Variants in PPP2R5C observed in about 807,000 individuals in gnomAD.
The protein encoded by PPP2R5C is serine/threonine-protein phosphatase 2A 56 kDa regulatory subunit gamma isoform.
PPP2R5C carries 7 observed loss-of-function variants against 68.9 expected under a neutral mutation model. The ratio of observed to expected loss-of-function variants is 0.10; its 90% CI spans 0.06 to 0.19. The LOEUF is 0.19. Among genes scored for constraint, PPP2R5C ranks in the 10% least tolerant of loss-of-function variants. The probability of loss-of-function intolerance (pLI) is 1.00; values close to 1 mark genes in which losing one functional copy is unlikely to be tolerated. For synonymous variants in PPP2R5C, 210 were observed against 222.2 expected, an observed-to-expected ratio of 0.95 and a Z score of 0.49; for missense variants, 348 against 641.3, an observed-to-expected ratio of 0.54 and a Z score of 4.94.
At position 101,797,083 on chromosome 14, in the gene PPP2R5C, G is replaced by A; in HGVS notation, c.259+10900G>A. 1 of 449,564 alleles carries A rather than the reference G, an allele frequency of 2.2e-6. No homozygotes were observed. The highest frequency in any genetic ancestry group is 4.5e-6 in the Non-Finnish European group (1 of 222,316). 27.8% of individuals were successfully genotyped at this position (449,564 alleles called of 1,614,324 possible). ...CAACAAAAACTCCATTAAACAGTAA[G>A]TGGCTGTCTCCCCATTCTGCTTTCT... On this transcript the variant is annotated intron_variant, in intron 3 of 14. Transcript: ENST00000328724. The surrounding 1 kb of genome is among the most constrained non-coding windows in gnomAD (Gnocchi z 4.2).
At chr14:101,782,127 C>T (rs1595143791) in intron 2 of PPP2R5C, among the ~76,000 whole-genome samples, 1 of 67,068 alleles carries the variant, frequency 1.5e-5, no homozygotes, top group South Asian at 8.8e-4. Context: ...CCCCTTCTTC[C>T]CCTCCCCCTC....
chr14:101,916,707 T>G lies in PPP2R5C; in HGVS notation c.1327-1124T>G, dbSNP rs1425521869. On this transcript the variant is annotated intron_variant, in intron 12 of 13. Coordinates refer to ENST00000334743, the Ensembl canonical transcript of PPP2R5C. The surrounding 1 kb of genome is among the most constrained non-coding windows in gnomAD (Gnocchi z 5.5). Reference sequence around the variant, plus strand: ...GCTGGCAGGGTGTGAGGGGCAGGGGTGAGGGGGCAGGGGGTGAGAGGCAGG... The same window carrying G: ...GCTGGCAGGGTGTGAGGGGCAGGGGGGAGGGGGCAGGGGGTGAGAGGCAGG... Among the ~76,000 whole-genome samples, 42 of 26,154 alleles carry G rather than the reference T, an allele frequency of 1.6e-3. No individual in the cohort carries two copies. The highest frequency in any genetic ancestry group is 5.0e-3 in the South Asian group (3 of 602). The allele number at this position is 26,154 out of a possible 152,430, so 17.2% of individuals were successfully genotyped here.
chr14:101,762,269 C>T (rs984025057), intron 1 of PPP2R5C, among the ~76,000 whole-genome samples: 5 of 151,992 alleles, frequency 3.3e-5, no homozygotes, highest in Non-Finnish European at 5.9e-5. Flanking sequence ...CGGGCAGGTG[C>T]GGCCGCCGAG....
rs775498271 is a variant in PPP2R5C at position 101,877,236 on chromosome 14, A to G, written c.295-4925A>G. 3.3e-5 allele frequency among the ~76,000 whole-genome samples: 5 copies of G among 152,086 alleles called. No homozygotes were observed. The highest frequency in any genetic ancestry group is 4.8e-5 in the African/African-American group (2 of 41,412). The stretch of plus-strand genomic sequence containing the variant: ...AGTGCTGGGATTACAGGCATGAGTC[A>G]CCGCGCCTGGCCTTTACCCTTTCCA... On this transcript the variant is annotated intron_variant, in intron 2 of 13. Transcript: ENST00000334743. The surrounding 1 kb of genome is among the most constrained non-coding windows in gnomAD (Gnocchi z 4.2).
intron 10 of PPP2R5C, among the ~76,000 whole-genome samples, chr14:101,908,914 A>AT (rs1209497409): frequency 2.6e-5 from 4 of 152,126 alleles, no homozygotes; most frequent in African/African-American, 4.8e-5. Context: ...TTTGGGATTT[A>AT]TTTGTTTTTA....
intron 8 of PPP2R5C, among the ~76,000 whole-genome samples, chr14:101,900,648 C>T (rs998926590): frequency 6.6e-6 from 1 of 152,268 alleles, no homozygotes; most frequent in Non-Finnish European, 1.5e-5. Context: ...CATGGATTCA[C>T]ATTCAGTATT....
chr14:101,761,804 G>GC (rs2036553476), upstream of PPP2R5C: 2 of 972,434 alleles, frequency 2.1e-6, no homozygotes, highest in Non-Finnish European at 2.4e-6. Flanking sequence ...GGCGGCGGCC[G>GC]CGGGGGCGCG....
intron 3 of PPP2R5C, among the ~76,000 whole-genome samples, chr14:101,798,565 C>T (rs1353689965): frequency 2.0e-5 from 3 of 152,158 alleles, no homozygotes. Context: ...TCAAGCCCAG[C>T]CTGGGCAAAA....
rs745822766 is a variant in PPP2R5C at position 101,917,748 on chromosome 14, G to A, written c.1327-83G>A. On this transcript the variant is annotated intron_variant, in intron 12 of 13. Coordinates refer to ENST00000334743, the Ensembl canonical transcript of PPP2R5C. The surrounding 1 kb of genome is among the most constrained non-coding windows in gnomAD (Gnocchi z 4.4). ...GAGAGGGCCCTGGGGGGCGGCAGGG[G>A]AGATGAGTCCCTAGCCAGGATGAGA... 4 of 1,584,002 alleles carry A rather than the reference G, an allele frequency of 2.5e-6. No individual in the cohort carries two copies. The highest frequency in any genetic ancestry group is 2.7e-5 in the African/African-American group (2 of 74,220).
At chr14:101,777,927 C>CAT (rs1039705951) in intron 2 of PPP2R5C, among the ~76,000 whole-genome samples, 1 of 152,014 alleles carries the variant, frequency 6.6e-6, no homozygotes, top group Non-Finnish European at 1.5e-5. Flanking sequence ...TGCATGCCAC[C>CAT]ATACCTGGCT....
chr14:101,768,966 A>G (rs2037008019), intron 2 of PPP2R5C, among the ~76,000 whole-genome samples: 1 of 151,850 alleles, frequency 6.6e-6, no homozygotes, highest in African/African-American at 2.4e-5. Flanking sequence ...CTGGGACTAC[A>G]GGCGCCCGCC....
chr14:101,819,395 C>T (rs994044213), intron 1 of PPP2R5C: 7 of 283,104 alleles, frequency 2.5e-5, no homozygotes. Context: ...GGACGTTTGC[C>T]CTGGTGGTGC....
chr14:101,896,700 AT>A (rs1286451624), intron 8 of PPP2R5C, among the ~76,000 whole-genome samples: 6 of 149,500 alleles, frequency 4.0e-5, no homozygotes, highest in African/African-American at 1.5e-4. Flanking sequence ...TCCATTGCCC[AT>A]TTTTTACATT....
At position 101,781,787 on chromosome 14, in the gene PPP2R5C, G is replaced by A. The variant is rs2037708894; in HGVS notation, c.94-4231G>A. Among the ~76,000 whole-genome samples, 1 of 151,752 alleles carries A rather than the reference G, an allele frequency of 6.6e-6. No individual in the cohort carries two copies. The highest frequency in any genetic ancestry group is 2.4e-5 in the African/African-American group (1 of 41,324). On this transcript the variant is annotated intron_variant, in intron 2 of 14. Coordinates refer to the PPP2R5C transcript ENST00000328724. The surrounding 1 kb of genome is among the most constrained non-coding windows in gnomAD (Gnocchi z 6.4). The stretch of plus-strand genomic sequence containing the variant: ...GTTGCGCGCTCCAACCCTCTGCTTG[G>A]CCGCCCGCGAACCGCGCTCTCCCGT...
At chr14:101,856,850 A>G in exon 2 of PPP2R5C, 1 of 1,614,168 alleles carries the variant, frequency 6.2e-7, no homozygotes, top group Non-Finnish European at 8.5e-7. Flanking sequence ...TCGGAATGTG[A>G]TCACAGAGCC....
intron 10 of PPP2R5C, among the ~76,000 whole-genome samples, chr14:101,909,353 G>A (rs1198905261): frequency 6.6e-6 from 1 of 152,202 alleles, no homozygotes; most frequent in East Asian, 1.9e-4. Flanking sequence ...GCTACTGTCA[G>A]CTGGAGACAG....
intron 2 of PPP2R5C, among the ~76,000 whole-genome samples, chr14:101,881,479 T>C (rs2044167893): frequency 6.6e-6 from 1 of 152,198 alleles, no homozygotes; most frequent in African/African-American, 2.4e-5. Flanking sequence ...CAGTAATCTT[T>C]TCTGTTTATG....
At chr14:101,810,887 A>T (rs1488672086) in intron 1 of PPP2R5C, among the ~76,000 whole-genome samples, 2 of 152,216 alleles carry the variant, frequency 1.3e-5, no homozygotes, top group African/African-American at 2.4e-5. Flanking sequence ...TTTAAGATAT[A>T]TGAATTTTTT....
rs117512908 is a variant in PPP2R5C at position 101,830,994 on chromosome 14, G to A, written c.94+20958G>A. ...GTTTCTTCATTCAGCAAATACTTCC[G>A]AGCACTTTTGTGTCTGATCCTGTTA... On this transcript the variant is annotated intron_variant, in intron 1 of 13. Transcript: ENST00000334743. 7.4e-4 allele frequency among the ~76,000 whole-genome samples: 113 copies of A among 152,234 alleles called. 2 individuals carry two copies. In the East Asian group the frequency reaches 0.017, roughly 23 times the overall value.
Sources: allele counts gnomAD v4.1 joint callset (sites outside exome capture counted in the v4.1 genomes callset), GRCh38; gene constraint gnomAD v4.1.1; non-coding constraint Gnocchi (gnomAD v3.1); transcripts MANE v1.5; gene names NCBI Gene and HGNC (gene_info 2026-07-23, HGNC 2026-07-21).